Variants in ZBTB16 observed in about 807,000 individuals in gnomAD.
ZBTB16 encodes the protein zinc finger and BTB domain-containing protein 16.
Under a neutral mutation model 56.8 loss-of-function variants are expected in ZBTB16, and 8 were observed. The ratio of observed to expected loss-of-function variants is 0.14; its 90% CI spans 0.08 to 0.25. The LOEUF is 0.25. Among genes scored for constraint, ZBTB16 ranks in the 10% least tolerant of loss-of-function variants. ZBTB16 has a pLI of 1.00. For missense variants in ZBTB16, 625 were observed against 903.0 expected, an observed-to-expected ratio of 0.69 and a Z score of 3.95; for synonymous variants, 363 against 368.5, an observed-to-expected ratio of 0.98 and a Z score of 0.17.
chr11:114,077,695 T>C (rs964472474), intron 2 of ZBTB16, among the ~76,000 whole-genome samples: 8 of 152,178 alleles, frequency 5.3e-5, no homozygotes, highest in African/African-American at 1.9e-4. Flanking sequence ...CAAAGCAGGC[T>C]GCACCTCCTG....
chr11:114,178,361 G>A lies in ZBTB16; in HGVS notation c.1367-8591G>A, dbSNP rs566422688. 1.2e-4 allele frequency among the ~76,000 whole-genome samples: 18 copies of A among 152,250 alleles called. No homozygotes were observed. The South Asian group carries it at 3.7e-3, about 32-fold the overall frequency. The stretch of plus-strand genomic sequence containing the variant: ...TAATCATCCCTCAACCAACCCTGTG[G>A]CATAAACACTCTGAGCCCAGTTTTC... On this transcript the variant is annotated intron_variant, in intron 3 of 6. Coordinates refer to ENST00000335953, the MANE Select transcript of ZBTB16 (RefSeq NM_006006.6).
chr11:114,242,095 C>A lies in ZBTB16; in HGVS notation c.1454-72C>A, dbSNP rs966881664. ...AGGTGTGAGTCCCGACACTGGCTCT[C>A]ACTCCAGATGGGTAAAGAATGCACC... On this transcript the variant is annotated intron_variant, in intron 4 of 6. Coordinates refer to ENST00000335953, the MANE Select transcript of ZBTB16 (RefSeq NM_006006.6). 10 of 1,592,066 alleles carry A rather than the reference C, an allele frequency of 6.3e-6. No individual in the cohort carries two copies. In the African/African-American group the frequency reaches 1.3e-4, roughly 21 times the overall value.
chr11:114,231,406 C>T (rs1321382041), intron 4 of ZBTB16, among the ~76,000 whole-genome samples: 1 of 152,174 alleles, frequency 6.6e-6, no homozygotes, highest in Non-Finnish European at 1.5e-5. Flanking sequence ...ATTCCCCACC[C>T]CAACTGCTCA....
At chr11:114,249,908 G>A (rs1302508280) in intron 6 of ZBTB16, among the ~76,000 whole-genome samples, 1 of 151,766 alleles carries the variant, frequency 6.6e-6, no homozygotes, top group Non-Finnish European at 1.5e-5. Context: ...CGATCCACCT[G>A]CTCTCTGGAC....
chr11:114,229,756 A>G (rs1307897323), intron 4 of ZBTB16, among the ~76,000 whole-genome samples: 6 of 152,236 alleles, frequency 3.9e-5, no homozygotes, highest in Admixed American at 3.9e-4. Context: ...TAGCTAAAAG[A>G]GAGTTCTGGC....
At chr11:114,167,542 C>T (rs1276298752) in intron 3 of ZBTB16, among the ~76,000 whole-genome samples, 3 of 150,980 alleles carry the variant, frequency 2.0e-5, no homozygotes, top group Admixed American at 6.6e-5. Context: ...TTTGAAATTA[C>T]TGAATTAATT....
At chr11:114,189,936 C>T (rs1278087536) in intron 4 of ZBTB16, among the ~76,000 whole-genome samples, 1 of 152,112 alleles carries the variant, frequency 6.6e-6, no homozygotes, top group Non-Finnish European at 1.5e-5. Context: ...CAATGTCTAT[C>T]AACTGGTGAA....
At chr11:114,082,328 A>G (rs897692820) in intron 2 of ZBTB16, among the ~76,000 whole-genome samples, 1 of 152,118 alleles carries the variant, frequency 6.6e-6, no homozygotes, top group African/African-American at 2.4e-5. Context: ...CATGAACTGT[A>G]GCTTCTTCAT....
intron 2 of ZBTB16, among the ~76,000 whole-genome samples, chr11:114,120,678 C>T (rs890254454): frequency 2.0e-5 from 3 of 152,198 alleles, no homozygotes; most frequent in African/African-American, 7.2e-5. Flanking sequence ...TGCGTGTCTT[C>T]GGATGCTGTA....
At chr11:114,141,696 C>T (rs560463168) in intron 2 of ZBTB16, among the ~76,000 whole-genome samples, 21 of 152,180 alleles carry the variant, frequency 1.4e-4, no homozygotes, top group Non-Finnish European at 2.8e-4. Context: ...GGGCTTGTGT[C>T]AGCCTAAGTT....
intron 4 of ZBTB16, among the ~76,000 whole-genome samples, chr11:114,197,428 C>T (rs984693583): frequency 6.6e-6 from 1 of 152,128 alleles, no homozygotes; most frequent in African/African-American, 2.4e-5. Context: ...ACTCTGTCTT[C>T]CCCCCACTCT....
chr11:114,086,327 G>A (rs1939956553), intron 2 of ZBTB16, among the ~76,000 whole-genome samples: 2 of 151,772 alleles, frequency 1.3e-5, no homozygotes, highest in Non-Finnish European at 2.9e-5. Flanking sequence ...TCTCCTTGGT[G>A]TCTCTCATCC....
intron 4 of ZBTB16, among the ~76,000 whole-genome samples, chr11:114,208,066 A>G (rs1943924671): frequency 6.6e-6 from 1 of 152,166 alleles, no homozygotes; most frequent in Admixed American, 6.5e-5. Flanking sequence ...CCTGGTATTA[A>G]TAGAGTCTTC....
intron 2 of ZBTB16, among the ~76,000 whole-genome samples, chr11:114,106,214 T>G (rs1283626238): frequency 6.6e-6 from 1 of 152,050 alleles, no homozygotes; most frequent in Non-Finnish European, 1.5e-5. Flanking sequence ...GCCGCAGGCC[T>G]TTCTGAAGTG....
At position 114,143,966 on chromosome 11, in the gene ZBTB16, T is replaced by A. The variant is rs973573962; in HGVS notation, c.1269-12371T>A. Among the ~76,000 whole-genome samples the A allele has an allele frequency of 6.6e-6, 1 of 152,160 alleles. No individual in the cohort carries two copies. The highest frequency in any genetic ancestry group is 1.5e-5 in the Non-Finnish European group (1 of 68,026). ...GCATTTCCTGTGTGCTCGGGAGCCT[T>A]GCGTGTAAGGAGCAAGAGGAGCACG... On this transcript the variant is annotated intron_variant, in intron 2 of 6. Coordinates refer to ENST00000335953, the MANE Select transcript of ZBTB16 (RefSeq NM_006006.6). The surrounding 1 kb of genome is among the most constrained non-coding windows in gnomAD (Gnocchi z 6.4).
At chr11:114,144,446 T>C (rs1335654159) in intron 2 of ZBTB16, among the ~76,000 whole-genome samples, 3 of 152,256 alleles carry the variant, frequency 2.0e-5, no homozygotes, top group Admixed American at 6.5e-5. Flanking sequence ...AGGGCCTTGC[T>C]CTGTCCCAGC....
At chr11:114,134,459 T>G (rs1160009740) in intron 2 of ZBTB16, among the ~76,000 whole-genome samples, 1 of 152,138 alleles carries the variant, frequency 6.6e-6, no homozygotes, top group Non-Finnish European at 1.5e-5. Context: ...AGAAGCTCAT[T>G]TGTCTCTTAA....
intron 4 of ZBTB16, among the ~76,000 whole-genome samples, chr11:114,226,324 G>A (rs1188578657): frequency 6.6e-6 from 1 of 152,196 alleles, no homozygotes; most frequent in African/African-American, 2.4e-5. Context: ...GCCATCAAGC[G>A]ATGCTGGTGT....
chr11:114,103,927 C>T (rs1470337273), intron 2 of ZBTB16, among the ~76,000 whole-genome samples: 1 of 152,182 alleles, frequency 6.6e-6, no homozygotes, highest in African/African-American at 2.4e-5. Flanking sequence ...ATCTAACAAA[C>T]TATTCTTTTT....
Sources: gnomAD v4.1 joint callset for allele counts (sites outside exome capture counted in the v4.1 genomes callset) on GRCh38, gnomAD v4.1.1 for gene constraint, Gnocchi (gnomAD v3.1) non-coding constraint, MANE v1.5 for transcripts, NCBI Gene and HGNC (gene_info 2026-07-23, HGNC 2026-07-21) for gene names.